The following ZCCHC4 variants were observed in gnomAD, a reference collection of about 807,000 sequenced individuals.
ZCCHC4 encodes rRNA N(6)-adenosine-methyltransferase ZCCHC4.
A neutral mutation model predicts 67.7 loss-of-function variants in ZCCHC4; 54 were observed. The ratio of observed to expected loss-of-function variants is 0.80; its 90% confidence interval spans 0.64 to 1.00. The LOEUF (loss-of-function observed/expected upper bound fraction) is 1.00. Among genes scored for constraint, ZCCHC4 ranks in the 50% least tolerant of loss-of-function variants. The pLI, the probability that ZCCHC4 is intolerant of heterozygous loss-of-function variation, is 0.00. For synonymous variants in ZCCHC4, 198 were observed against 213.5 expected, an observed-to-expected ratio of 0.93 and a Z score of 0.63; for missense variants, 609 against 617.0, an observed-to-expected ratio of 0.99 and a Z score of 0.14.
At chr4:25,362,637 G>A (rs1430728470) in intron 10 of ZCCHC4, among the ~76,000 whole-genome samples, 3 of 152,044 alleles carry the variant, frequency 2.0e-5, no homozygotes, top group African/African-American at 7.2e-5. Flanking sequence ...TGACGTATTG[G>A]GTACCATCAT....
At chr4:25,317,669 C>T (rs1011838471) in intron 3 of ZCCHC4, among the ~76,000 whole-genome samples, 2 of 130,236 alleles carry the variant, frequency 1.5e-5, no homozygotes, top group Non-Finnish European at 3.1e-5. Flanking sequence ...CGTGCGACTA[C>T]ACTCCAGCCC....
chr4:25,356,692 A>T (rs1443653269), intron 8 of ZCCHC4, among the ~76,000 whole-genome samples: 2 of 151,992 alleles, frequency 1.3e-5, no homozygotes, highest in Non-Finnish European at 2.9e-5. Flanking sequence ...TTTTTTTATT[A>T]TGACACTCAT....
chr4:25,365,331 T>A (rs2109095575), intron 12 of ZCCHC4, 165 bp downstream of exon 12: 2 of 1,408,728 alleles, frequency 1.4e-6, no homozygotes, highest in South Asian at 3.2e-5. Context: ...AGGAAGATGA[T>A]TCAAAGAGCT....
chr4:25,368,951 C>T (rs550238991), intron 12 of ZCCHC4, 78 bp from the exon 13 acceptor site: 8 of 1,471,042 alleles, frequency 5.4e-6, no homozygotes, highest in Non-Finnish European at 7.3e-6. Context: ...ATTTGGTTAG[C>T]TAGTTAATTA....
chr4:25,356,209 C>G (rs1198292710), intron 8 of ZCCHC4, among the ~76,000 whole-genome samples: 1 of 152,144 alleles, frequency 6.6e-6, no homozygotes, highest in African/African-American at 2.4e-5. Flanking sequence ...TTTGAAAATG[C>G]CTCTCATCAT....
chr4:25,320,689 G>T (rs1214688639), intron 3 of ZCCHC4, among the ~76,000 whole-genome samples: 2 of 152,146 alleles, frequency 1.3e-5, no homozygotes, highest in Non-Finnish European at 2.9e-5. Flanking sequence ...CATAATAGTT[G>T]CTGATTATGT....
intron 7 of ZCCHC4, among the ~76,000 whole-genome samples, chr4:25,350,636 T>C (rs1035490234): frequency 1.3e-5 from 2 of 152,208 alleles, no homozygotes; most frequent in Admixed American, 1.3e-4. Context: ...CGCAAGTTGA[T>C]AAATTTGTTA....
intron 8 of ZCCHC4, among the ~76,000 whole-genome samples, chr4:25,358,775 C>T (rs1193348358): frequency 1.3e-5 from 2 of 152,202 alleles, no homozygotes; most frequent in Admixed American, 6.5e-5. Flanking sequence ...CTCGTGAGCT[C>T]GTGCTTGGCT....
chr4:25,315,315 C>T lies in ZCCHC4; in HGVS notation c.247-3C>T. On this transcript the variant is annotated splice_region_variant and splice_polypyrimidine_tract_variant and intron_variant, in intron 2 of 12. Transcript: ENST00000302874. ...ATTCAATGGGTTTTGTACTCTCTTT[C>T]AGTTGTCAGGAGCTAGACTTGCTGC... 6.2e-7 allele frequency: 1 copy of T among 1,610,672 alleles called. No individual in the cohort carries two copies. Among genetic ancestry groups the T allele is most frequent in the Non-Finnish European group, 8.5e-7 (1 of 1,178,378 alleles).
chr4:25,354,905 CTTTTTTTTTTT>C (rs61156499), intron 8 of ZCCHC4, among the ~76,000 whole-genome samples: 3 of 101,532 alleles, frequency 3.0e-5, no homozygotes, highest in South Asian at 3.6e-4. Flanking sequence ...TTGATTAGGC[CTTTTTTTTTTT>C]TTTTTTTTTG....
At chr4:25,357,731 C>T (rs531899254) in intron 8 of ZCCHC4, among the ~76,000 whole-genome samples, 1 of 152,248 alleles carries the variant, frequency 6.6e-6, no homozygotes, top group East Asian at 1.9e-4. Context: ...CAATTCAGTA[C>T]ATAACTTATT....
At chr4:25,348,439 C>T (rs762293445) in intron 6 of ZCCHC4, among the ~76,000 whole-genome samples, 6 of 152,132 alleles carry the variant, frequency 3.9e-5, no homozygotes, top group Non-Finnish European at 7.4e-5. Flanking sequence ...GCTCTCCCCA[C>T]TTGTGGGTTC....
intron 3 of ZCCHC4, among the ~76,000 whole-genome samples, chr4:25,329,533 C>CTTTTTTTTT (rs56340221): frequency 1.6e-5 from 2 of 127,120 alleles, no homozygotes; most frequent in Non-Finnish European, 1.6e-5. Flanking sequence ...TTATATTTTC[C>CTTTTTTTTT]TTTTTTTTTT....
In ZCCHC4 at chr4:25,333,174, G is replaced by T. The variant is rs1719270851; in HGVS notation, c.330-9G>T. On this transcript the variant is annotated splice_polypyrimidine_tract_variant and intron_variant, in intron 3 of 12. Coordinates refer to ENST00000302874, the MANE Select transcript of ZCCHC4 (RefSeq NM_024936.3). ...AATATATTTCTTTGTGTTTTATTTT[G>T]TCTTGAAGGTACTTGAAGTTTATTG... 1 of 1,606,626 alleles carries T rather than the reference G, an allele frequency of 6.2e-7. No homozygotes were observed. Among genetic ancestry groups the T allele is most frequent in the African/African-American group, 1.3e-5 (1 of 74,562 alleles).
At chr4:25,320,693 AT>A (rs1271973251) in intron 3 of ZCCHC4, among the ~76,000 whole-genome samples, 1 of 152,192 alleles carries the variant, frequency 6.6e-6, no homozygotes, top group Admixed American at 6.5e-5. Context: ...ATAGTTGCTG[AT>A]TATGTTGTGA....
At chr4:25,327,830 TG>T (rs1172558063) in intron 3 of ZCCHC4, among the ~76,000 whole-genome samples, 1 of 152,166 alleles carries the variant, frequency 6.6e-6, no homozygotes, top group African/African-American at 2.4e-5. Flanking sequence ...AGTGCGTTTT[TG>T]GGGGGCACCT....
At chr4:25,314,569 T>G (rs1475958347) in intron 2 of ZCCHC4, among the ~76,000 whole-genome samples, 1 of 152,022 alleles carries the variant, frequency 6.6e-6, no homozygotes, top group Non-Finnish European at 1.5e-5. Flanking sequence ...GTCCTCTTCC[T>G]GATTTGCAGA....
At chr4:25,349,084 T>C (rs1261075537) in intron 6 of ZCCHC4, among the ~76,000 whole-genome samples, 5 of 152,214 alleles carry the variant, frequency 3.3e-5, no homozygotes, top group Admixed American at 6.5e-5. Flanking sequence ...ACAAACCAGA[T>C]AGGAAAACAA....
intron 5 of ZCCHC4, among the ~76,000 whole-genome samples, chr4:25,341,969 A>G (rs1719776391): frequency 6.6e-6 from 1 of 152,224 alleles, no homozygotes; most frequent in Non-Finnish European, 1.5e-5. Context: ...GGATGTGGAT[A>G]AAGTTATTGT....
Sources: gnomAD v4.1 joint callset for allele counts (sites outside exome capture counted in the v4.1 genomes callset) on GRCh38, gnomAD v4.1.1 for gene constraint, MANE v1.5 for transcripts, NCBI Gene and HGNC (gene_info 2026-07-23, HGNC 2026-07-21) for gene names.